Variants in AOPEP observed in about 807,000 individuals in gnomAD.
The protein encoded by AOPEP is aminopeptidase O (putative).
Under a neutral mutation model 98.1 loss-of-function variants are expected in AOPEP, and 77 were observed. That is an observed-to-expected ratio of 0.78 (90% CI 0.65 to 0.95). AOPEP has a LOEUF of 0.95. Ranked by LOEUF, AOPEP falls within the 40% of genes least tolerant of loss-of-function variation. The pLI is 0.00. For synonymous variants in AOPEP, 346 were observed against 365.3 expected (o/e 0.95, Z 0.60); for missense variants, 1,024 against 1,024.7 (o/e 1.00, Z 0.01).
At chr9:94,829,994 A>C (rs1237425601) in intron 5 of AOPEP, among the ~76,000 whole-genome samples, 1 of 152,202 alleles carries the variant, frequency 6.6e-6, no homozygotes, top group African/African-American at 2.4e-5. Flanking sequence ...TGACTGCATG[A>C]ACTACATCAG....
At chr9:95,058,403 A>G (rs1190729506) in intron 13 of AOPEP, among the ~76,000 whole-genome samples, 1 of 152,120 alleles carries the variant, frequency 6.6e-6, no homozygotes, top group African/African-American at 2.4e-5. Context: ...TAATTCTGCA[A>G]TTTGGCAGGG....
chr9:94,828,347 G>A (rs1855121649), intron 5 of AOPEP, among the ~76,000 whole-genome samples: 1 of 147,530 alleles, frequency 6.8e-6, no homozygotes, highest in Non-Finnish European at 1.5e-5. Flanking sequence ...TATTTATTAT[G>A]ATTTTAGCTC....
chr9:95,146,122 T>A, the AOPEP span, among the ~76,000 whole-genome samples: 4 of 152,204 alleles, frequency 2.6e-5, no homozygotes, highest in African/African-American at 7.2e-5. Context: ...TTTGTTTTTT[T>A]AAAATGCATT....
At chr9:94,765,329 G>T (rs931378846) in intron 2 of AOPEP, among the ~76,000 whole-genome samples, 1 of 151,444 alleles carries the variant, frequency 6.6e-6, no homozygotes, top group East Asian at 1.9e-4. Flanking sequence ...GCCAGATGTG[G>T]TGGCTCATGC....
In AOPEP at chr9:94,877,678, C is replaced by T. The variant is rs1254322718; in HGVS notation, c.1365-46308C>T. Among the ~76,000 whole-genome samples, 3 of 152,096 alleles carry T rather than the reference C, an allele frequency of 2.0e-5. No homozygotes were observed. In the East Asian group the frequency reaches 5.8e-4, roughly 29 times the overall value. ...TCAAGTGATCTGCCCACCTTGGCCT[C>T]CTAAAGTGCTAGAATTACAGGCATG... On this transcript the variant is annotated intron_variant, in intron 5 of 16. Coordinates refer to ENST00000375315, the MANE Select transcript of AOPEP (RefSeq NM_001193329.3).
chr9:95,009,221 T>C (rs536820746), intron 13 of AOPEP, among the ~76,000 whole-genome samples: 4 of 152,210 alleles, frequency 2.6e-5, no homozygotes, highest in South Asian at 4.1e-4. Flanking sequence ...TCTTTTTTTT[T>C]ACCTTCGTTA....
At chr9:95,079,763 C>T (rs555756454) in intron 14 of AOPEP, among the ~76,000 whole-genome samples, 9 of 152,250 alleles carry the variant, frequency 5.9e-5, no homozygotes, top group South Asian at 2.1e-4. Context: ...TGCAGGTGAA[C>T]GTTTAATAAA....
At chr9:94,809,962 G>A (rs356125) in intron 5 of AOPEP, 6,252 of 156,168 alleles carry the variant, frequency 0.04, 165 homozygotes, top group Admixed American at 0.072. Flanking sequence ...CCAGCTGATT[G>A]TGCTGCAGGT....
intron 1 of AOPEP, among the ~76,000 whole-genome samples, chr9:94,745,353 G>T (rs1284294195): frequency 6.6e-6 from 1 of 150,954 alleles, no homozygotes; most frequent in African/African-American, 2.4e-5. Flanking sequence ...TCGGCTCACT[G>T]CAAGCTCCGC....
downstream of AOPEP, among the ~76,000 whole-genome samples, chr9:95,092,056 C>CTGTGTGTG (rs112458654): frequency 3.4e-5 from 5 of 149,222 alleles, no homozygotes; most frequent in African/African-American, 7.4e-5. Flanking sequence ...CTGTTGAAGG[C>CTGTGTGTG]TGTGTGTGTG....
At chr9:94,993,917 C>G (rs977056084) in intron 11 of AOPEP, among the ~76,000 whole-genome samples, 1 of 152,186 alleles carries the variant, frequency 6.6e-6, no homozygotes, top group African/African-American at 2.4e-5. Context: ...GAGATAACCC[C>G]TCCATTCCTG....
intron 5 of AOPEP, among the ~76,000 whole-genome samples, chr9:94,839,378 C>T (rs1784520791): frequency 1.3e-5 from 2 of 152,008 alleles, no homozygotes; most frequent in South Asian, 4.2e-4. Flanking sequence ...CGTGAGCCAA[C>T]CCGCCCAGCC....
At chr9:94,828,734 AAT>A (rs1041683720) in intron 5 of AOPEP, among the ~76,000 whole-genome samples, 5 of 151,140 alleles carry the variant, frequency 3.3e-5, no homozygotes, top group Admixed American at 6.6e-5. Context: ...ATACACACAC[AAT>A]ATATATATAT....
At chr9:95,058,739 G>A (rs1457296702) in intron 13 of AOPEP, among the ~76,000 whole-genome samples, 1 of 152,208 alleles carries the variant, frequency 6.6e-6, no homozygotes, top group Non-Finnish European at 1.5e-5. Context: ...GAGAGCCCAC[G>A]ACTGGGGTGA....
chr9:94,965,776 GT>G (rs143611364), intron 9 of AOPEP, among the ~76,000 whole-genome samples: 2,340 of 151,704 alleles, frequency 0.015, 56 homozygotes, highest in African/African-American at 0.054. Context: ...TTCACTGGGT[GT>G]CATCAGAGTC....
chr9:94,808,643 A>G (rs768274438), intron 5 of AOPEP, among the ~76,000 whole-genome samples: 1 of 152,324 alleles, frequency 6.6e-6, no homozygotes, highest in Non-Finnish European at 1.5e-5. Flanking sequence ...ATCTGCTCCT[A>G]CCTTCCCAGC....
the AOPEP span, among the ~76,000 whole-genome samples, chr9:95,141,514 C>A: frequency 6.6e-6 from 1 of 151,964 alleles, no homozygotes; most frequent in Non-Finnish European, 1.5e-5. Flanking sequence ...TTTTCCTTAT[C>A]TAAGTTGAAA....
chr9:94,818,501 T>C (rs1852197861), intron 5 of AOPEP, among the ~76,000 whole-genome samples: 2 of 152,214 alleles, frequency 1.3e-5, no homozygotes, highest in African/African-American at 4.8e-5. Context: ...CATTGGAATT[T>C]CTCCGTTTCA....
chr9:95,101,777 A>G, the AOPEP span: 145 of 1,614,058 alleles, frequency 9.0e-5, no homozygotes, highest in Non-Finnish European at 1.1e-4. Context: ...TTCAATGCCA[A>G]GACGATTCCA....
Sources: allele counts gnomAD v4.1 joint callset (sites outside exome capture counted in the v4.1 genomes callset), GRCh38; gene constraint gnomAD v4.1.1; transcripts MANE v1.5; gene names NCBI Gene and HGNC (gene_info 2026-07-23, HGNC 2026-07-21).